The following NEK10 variants were observed in gnomAD, a reference collection of about 807,000 sequenced individuals.
The protein encoded by NEK10 is NIMA related kinase 10.
NEK10 carries 122 observed loss-of-function variants against 159.8 expected under a neutral mutation model. The ratio of observed to expected loss-of-function variants is 0.76; its 90% confidence interval spans 0.66 to 0.89. The LOEUF is 0.89. Ranked by LOEUF, NEK10 falls within the 40% of genes least tolerant of loss-of-function variation. NEK10 has a pLI of 0.00. For synonymous variants in NEK10, 466 were observed against 457.1 expected (o/e 1.02, Z -0.25); for missense variants, 1,342 against 1,323.1 (o/e 1.01, Z -0.22).
In NEK10 at chr3:27,314,318, AC is replaced by A; in HGVS notation, c.467del (p.Gly156ValfsTer6). On this transcript the variant is annotated frameshift_variant, in exon 7 of 36. Transcript: ENST00000691995. LOFTEE classifies it high-confidence loss of function. ...TTACCTGAGCTAGGTTTTCAATCCC[AC>A]CCAAGCTATGGAGTATTTCCTAATA... ...PCYQEILHSLGGIENLAQYME... is the reference protein window; with the variant it reads ...PCYQEILHSLXGIENLAQYME... 1 of 1,602,938 alleles carries A rather than the reference AC, an allele frequency of 6.2e-7. No homozygotes were observed. Among genetic ancestry groups the A allele is most frequent in the South Asian group, 1.1e-5 (1 of 88,810 alleles).
At chr3:27,279,701 C>A (rs1046363161) in intron 22 of NEK10, among the ~76,000 whole-genome samples, 4 of 151,934 alleles carry the variant, frequency 2.6e-5, no homozygotes, top group African/African-American at 9.7e-5. Flanking sequence ...ACATGAATGC[C>A]CTAACCACAC....
intron 23 of NEK10, among the ~76,000 whole-genome samples, chr3:27,234,071 T>A (rs575967439): frequency 2.2e-4 from 33 of 151,944 alleles, no homozygotes; most frequent in Non-Finnish European, 4.3e-4. Context: ...AAATTCAACA[T>A]CCCTTCATGC....
At chr3:27,335,952 T>C (rs1419525029) in intron 5 of NEK10, among the ~76,000 whole-genome samples, 1 of 151,782 alleles carries the variant, frequency 6.6e-6, no homozygotes, top group Non-Finnish European at 1.5e-5. Flanking sequence ...CTCAAGATAC[T>C]AGAAAGGCAA....
At chr3:27,193,513 C>T (rs910809796) in intron 25 of NEK10, among the ~76,000 whole-genome samples, 5 of 151,872 alleles carry the variant, frequency 3.3e-5, no homozygotes, top group Admixed American at 1.3e-4. Context: ...TCCAGCAACA[C>T]ATCCAATGCG....
intron 4 of NEK10, among the ~76,000 whole-genome samples, chr3:27,344,843 C>T (rs2047443829): frequency 6.6e-6 from 1 of 152,166 alleles, no homozygotes; most frequent in Admixed American, 6.5e-5. Context: ...ATAATACCTT[C>T]TAGATAAGAA....
chr3:27,291,316 G>A lies in NEK10; in HGVS notation c.1551C>T (p.Gly517=), dbSNP rs1424035967. The stretch of plus-strand genomic sequence containing the variant: ...CAAGATGATCCAAAATTGCATAGTT[G>A]CCTATATATTTCAAAGGAGCTTTGT... The part of the protein sequence containing the change: ...NQNKAPLKYI[G]NYAILDHLGS... Residue 517 remains glycine, a synonymous_variant, in exon 18 of 36, where the codon GGC becomes GGT. Coordinates refer to ENST00000691995, the MANE Select transcript of NEK10 (RefSeq NM_001394966.1). The A allele has an allele frequency of 1.9e-6, 3 of 1,613,364 alleles. No homozygotes were observed. The African/African-American group carries it at 4.0e-5, about 22-fold the overall frequency.
At chr3:27,134,171 G>C (rs1166535955) in intron 31 of NEK10, among the ~76,000 whole-genome samples, 1 of 152,168 alleles carries the variant, frequency 6.6e-6, no homozygotes, top group Non-Finnish European at 1.5e-5. Flanking sequence ...ATATGTGTGT[G>C]AGAGAGAAAA....
chr3:27,250,037 CTTA>C (rs1197225481), intron 23 of NEK10, among the ~76,000 whole-genome samples: 2 of 152,042 alleles, frequency 1.3e-5, no homozygotes, highest in Admixed American at 6.6e-5. Context: ...CACTTTTTAA[CTTA>C]TTGTTTCTCT....
intron 23 of NEK10, among the ~76,000 whole-genome samples, chr3:27,250,399 G>T (rs147586827): frequency 3.9e-5 from 6 of 152,166 alleles, no homozygotes; most frequent in African/African-American, 1.4e-4. Context: ...TGTTAGTCAG[G>T]ATGGTCTCGA....
intron 23 of NEK10, among the ~76,000 whole-genome samples, chr3:27,238,497 CA>C (rs1235360365): frequency 6.6e-6 from 1 of 151,916 alleles, no homozygotes; most frequent in Non-Finnish European, 1.5e-5. Context: ...AAACTTTTTT[CA>C]GATTTGAAGT....
rs187809265 is a variant in NEK10 at position 27,217,728 on chromosome 3, T to G, written c.2091-15171A>C. 9.9e-5 allele frequency among the ~76,000 whole-genome samples: 15 copies of G among 152,076 alleles called. 1 individual carries two copies. The East Asian group carries it at 2.3e-3, about 24-fold the overall frequency. ...AACAGACCAATATCCCTTATAAATATAGACACAAAAATATTCAATAAAATA... is the reference window on the plus strand; with the variant it reads ...AACAGACCAATATCCCTTATAAATAGAGACACAAAAATATTCAATAAAATA... On this transcript the variant is annotated intron_variant, in intron 23 of 35. Coordinates refer to ENST00000691995, the MANE Select transcript of NEK10 (RefSeq NM_001394966.1).
chr3:27,257,802 T>C (rs1956366401), intron 22 of NEK10, among the ~76,000 whole-genome samples: 1 of 144,884 alleles, frequency 6.9e-6, no homozygotes, highest in Admixed American at 6.9e-5. Flanking sequence ...TTTTTTTTTT[T>C]TTTTGAGACG....
At chr3:27,350,120 CAACTTGTT>C (rs2047863247) in intron 3 of NEK10, among the ~76,000 whole-genome samples, 1 of 152,196 alleles carries the variant, frequency 6.6e-6, no homozygotes, top group African/African-American at 2.4e-5. Context: ...AAACAGGCCA[CAACTTGTT>C]AGCGCAGAAA....
Position 27,282,619 on chromosome 3 carries a change from ATATATATATACATAACTGTGT to A in NEK10, c.2014+1962_2014+1982del, listed in dbSNP as rs1184330253. Among the ~76,000 whole-genome samples, 372 of 127,322 alleles carry A rather than the reference ATATATATATACATAACTGTGT, an allele frequency of 2.9e-3. 3 individuals carry two copies. Among genetic ancestry groups the A allele is most frequent in the African/African-American group, 6.1e-3 (195 of 31,834 alleles). 83.5% of individuals were successfully genotyped at this position (127,322 alleles called of 152,430 possible). On this transcript the variant is annotated intron_variant, in intron 22 of 35. Transcript: ENST00000691995. Reference sequence around the variant, plus strand: ...TTATATATATATACATAACTGTGTTATATATATATACATAACTGTGTTATATATATACATAACTGTGTTATA... The same window carrying A: ...TTATATATATATACATAACTGTGTTATATATATATACATAACTGTGTTATA...
intron 20 of NEK10, among the ~76,000 whole-genome samples, chr3:27,285,603 T>A (rs1344842904): frequency 2.6e-5 from 4 of 152,002 alleles, no homozygotes; most frequent in African/African-American, 9.7e-5. Flanking sequence ...GAGAACTTCA[T>A]GACTGATTGT....
intron 26 of NEK10, among the ~76,000 whole-genome samples, chr3:27,179,153 T>G (rs1328548685): frequency 4.6e-5 from 7 of 152,180 alleles, no homozygotes; most frequent in African/African-American, 1.4e-4. Flanking sequence ...CTACATACAG[T>G]TAAGAGAGCA....
chr3:27,141,820 C>CTGCT (rs1943814055), intron 30 of NEK10, among the ~76,000 whole-genome samples: 1 of 152,174 alleles, frequency 6.6e-6, no homozygotes, highest in Non-Finnish European at 1.5e-5. Flanking sequence ...ATCTGAAAGA[C>CTGCT]TGCTTATCAC....
chr3:27,296,848 T>C (rs1000112009), intron 14 of NEK10, among the ~76,000 whole-genome samples: 1 of 152,194 alleles, frequency 6.6e-6, no homozygotes, highest in Non-Finnish European at 1.5e-5. Context: ...ATCAAAATGA[T>C]TGCTGTCCTT....
intron 1 of NEK10, among the ~76,000 whole-genome samples, chr3:27,363,155 A>G (rs1161733999): frequency 1.3e-5 from 2 of 152,134 alleles, no homozygotes; most frequent in Admixed American, 6.5e-5. Flanking sequence ...CCTGGACTCA[A>G]GGGCCACAGT....
Sources: gnomAD v4.1 joint callset for allele counts (sites outside exome capture counted in the v4.1 genomes callset) on GRCh38, gnomAD v4.1.1 for gene constraint, MANE v1.5 for transcripts, NCBI Gene and HGNC (gene_info 2026-07-23, HGNC 2026-07-21) for gene names.